The following RABGAP1L variants were observed in gnomAD, a reference collection of about 807,000 sequenced individuals.
RABGAP1L encodes the protein rab GTPase-activating protein 1-like.
Under a neutral mutation model 137.7 loss-of-function variants are expected in RABGAP1L, and 63 were observed. The ratio of observed to expected loss-of-function variants is 0.46; its 90% CI spans 0.37 to 0.56. The LOEUF is 0.56. RABGAP1L is among the 20% of genes least tolerant of loss of function. The pLI is 0.00. For synonymous variants in RABGAP1L, 431 were observed against 433.7 expected (o/e 0.99, Z 0.08); for missense variants, 1,095 against 1,244.0 (o/e 0.88, Z 1.80).
chr1:174,453,990 C>T (rs566072401), intron 13 of RABGAP1L, among the ~76,000 whole-genome samples: 3 of 152,066 alleles, frequency 2.0e-5, no homozygotes, highest in East Asian at 1.9e-4. Flanking sequence ...GAAGGCTGGG[C>T]GCGGTGGCTC....
intron 24 of RABGAP1L, among the ~76,000 whole-genome samples, chr1:174,988,064 C>T (rs1671754856): frequency 2.0e-5 from 3 of 152,228 alleles, no homozygotes; most frequent in Admixed American, 1.3e-4. Context: ...CTGCCTTGGA[C>T]TCCCAAAGTG....
intron 13 of RABGAP1L, among the ~76,000 whole-genome samples, chr1:174,401,424 G>A (rs1429000027): frequency 6.6e-6 from 1 of 152,118 alleles, no homozygotes; most frequent in African/African-American, 2.4e-5. Flanking sequence ...CACCCGTGAT[G>A]GGGAATGAGG....
At chr1:174,610,219 C>G in intron 13 of RABGAP1L, among the ~76,000 whole-genome samples, 1 of 123,394 alleles carries the variant, frequency 8.1e-6, no homozygotes, top group South Asian at 3.0e-4. Flanking sequence ...CCCCACCCCA[C>G]AACAGTCCCC....
chr1:174,786,370 A>G (rs1287090507), intron 18 of RABGAP1L, among the ~76,000 whole-genome samples: 3 of 152,228 alleles, frequency 2.0e-5, no homozygotes, highest in Non-Finnish European at 4.4e-5. Flanking sequence ...ACTTCCATCA[A>G]CACCCATACT....
intron 19 of RABGAP1L, chr1:174,893,172 G>A: frequency 5.4e-6 from 1 of 186,128 alleles, no homozygotes; most frequent in South Asian, 1.2e-4. Context: ...TAGTGAATAA[G>A]AAGTTTAATT....
At chr1:174,464,282 A>C (rs539549805) in intron 13 of RABGAP1L, among the ~76,000 whole-genome samples, 15 of 152,216 alleles carry the variant, frequency 9.9e-5, no homozygotes, top group Admixed American at 7.8e-4. Flanking sequence ...CAAAGTTATA[A>C]TTTGTGATGC....
chr1:174,931,806 TTACTTCCTG>T, intron 19 of RABGAP1L, among the ~76,000 whole-genome samples: 1 of 152,230 alleles, frequency 6.6e-6, no homozygotes, highest in East Asian at 1.9e-4. Context: ...TTGCCTTTTA[TTACTTCCTG>T]TTTGAACCTA....
At chr1:174,834,234 C>T (rs902667535) in intron 19 of RABGAP1L, among the ~76,000 whole-genome samples, 1 of 152,002 alleles carries the variant, frequency 6.6e-6, no homozygotes, top group Non-Finnish European at 1.5e-5. Flanking sequence ...CAAGACCAGC[C>T]TGACCAACAT....
chr1:174,330,065 G>A (rs1680894248), intron 11 of RABGAP1L, among the ~76,000 whole-genome samples: 1 of 152,036 alleles, frequency 6.6e-6, no homozygotes, highest in Non-Finnish European at 1.5e-5. Context: ...AGTTAAGCAA[G>A]AGAAAGAAAT....
chr1:174,327,596 A>C (rs1449043248), intron 11 of RABGAP1L, among the ~76,000 whole-genome samples: 1 of 152,108 alleles, frequency 6.6e-6, no homozygotes, highest in Non-Finnish European at 1.5e-5. Context: ...AAGGTTCTGC[A>C]AAACAAGCAG....
chr1:174,610,993 C>T (rs1296019640), intron 13 of RABGAP1L, among the ~76,000 whole-genome samples: 1 of 149,142 alleles, frequency 6.7e-6, no homozygotes, highest in African/African-American at 2.5e-5. Flanking sequence ...AATTTTCTCC[C>T]ATTCTGTAGG....
intron 15 of RABGAP1L, among the ~76,000 whole-genome samples, chr1:174,695,099 G>A (rs1226637518): frequency 6.6e-6 from 1 of 151,920 alleles, no homozygotes; most frequent in Admixed American, 6.6e-5. Flanking sequence ...CTGGATATTA[G>A]CCCTTTGTCA....
intron 11 of RABGAP1L, among the ~76,000 whole-genome samples, chr1:174,336,590 C>T (rs770630623): frequency 3.3e-5 from 5 of 152,086 alleles, no homozygotes; most frequent in Admixed American, 6.6e-5. Context: ...CTTGTTAAAA[C>T]GAAGCTTTAT....
chr1:174,756,148 A>G (rs1240146680), intron 18 of RABGAP1L, among the ~76,000 whole-genome samples: 2 of 152,042 alleles, frequency 1.3e-5, no homozygotes, highest in Non-Finnish European at 2.9e-5. Context: ...ATCCTACTGT[A>G]TGTGCCATAA....
At chr1:174,665,427 T>TCTCCC (rs540647879) in intron 14 of RABGAP1L, among the ~76,000 whole-genome samples, 4 of 145,124 alleles carry the variant, frequency 2.8e-5, no homozygotes, top group African/African-American at 1.1e-4. Flanking sequence ...CTGCCTCGCC[T>TCTCCC]CGCCCCGCCC....
rs903475872 is a variant in RABGAP1L at position 174,417,550 on chromosome 1, C to A, written c.1710+23405C>A. Reference sequence around the variant, plus strand: ...AATGGAAACAAGACAGTATCTTGAACAAGAACAGTGATAAAGCCTAGAGCC... The same window carrying A: ...AATGGAAACAAGACAGTATCTTGAAAAAGAACAGTGATAAAGCCTAGAGCC... On this transcript the variant is annotated intron_variant, in intron 13 of 25. Transcript: ENST00000681986. 2.6e-5 allele frequency among the ~76,000 whole-genome samples: 4 copies of A among 152,104 alleles called. No individual in the cohort carries two copies. In the East Asian group the frequency reaches 5.8e-4, roughly 22 times the overall value.
intron 1 of RABGAP1L, among the ~76,000 whole-genome samples, chr1:174,215,099 G>T (rs1173736966): frequency 1.3e-5 from 2 of 152,042 alleles, no homozygotes; most frequent in Non-Finnish European, 2.9e-5. Context: ...TCTGACAAGG[G>T]ATTAATAACC....
chr1:174,728,866 C>G (rs1682224075), intron 17 of RABGAP1L, among the ~76,000 whole-genome samples: 1 of 152,094 alleles, frequency 6.6e-6, no homozygotes, highest in Admixed American at 6.5e-5. Context: ...GTCTCGAGCT[C>G]CTGACCTCAG....
intron 13 of RABGAP1L, among the ~76,000 whole-genome samples, chr1:174,446,656 A>C (rs777852162): frequency 6.6e-6 from 1 of 152,232 alleles, no homozygotes; most frequent in Non-Finnish European, 1.5e-5. Context: ...TTTTAAAATA[A>C]GACTATCTTG....
Sources: allele counts gnomAD v4.1 joint callset (sites outside exome capture counted in the v4.1 genomes callset), GRCh38; gene constraint gnomAD v4.1.1; transcripts MANE v1.5; gene names NCBI Gene and HGNC (gene_info 2026-07-23, HGNC 2026-07-21).